EIF3H: variants seen among roughly 807,000 people sequenced by gnomAD.
EIF3H encodes eIF-3-gamma.
In EIF3H, 26 loss-of-function variants were observed where a neutral mutation model predicts 44.2. The ratio of observed to expected loss-of-function variants is 0.59; its 90% CI spans 0.43 to 0.82. EIF3H has a LOEUF of 0.82. Among genes scored for constraint, EIF3H ranks in the 40% least tolerant of loss-of-function variants. EIF3H has a pLI of 0.00. For synonymous variants in EIF3H, 166 were observed against 151.9 expected, an observed-to-expected ratio of 1.09 and a Z score of -0.68; for missense variants, 359 against 432.8, an observed-to-expected ratio of 0.83 and a Z score of 1.51.
At chr8:116,710,569 A>G (rs980208770) in intron 2 of EIF3H, among the ~76,000 whole-genome samples, 3 of 152,238 alleles carry the variant, frequency 2.0e-5, no homozygotes, top group African/African-American at 7.2e-5. Flanking sequence ...GTTAAATTTA[A>G]TATCATTTGA....
At chr8:116,676,964 AT>A (rs1225912411) in intron 2 of EIF3H, among the ~76,000 whole-genome samples, 2 of 150,500 alleles carry the variant, frequency 1.3e-5, no homozygotes, top group East Asian at 2.0e-4. Context: ...AAAAAAAAAA[AT>A]TCATATGAAT....
At chr8:116,721,404 G>A (rs1299168248) in intron 2 of EIF3H, among the ~76,000 whole-genome samples, 2 of 152,236 alleles carry the variant, frequency 1.3e-5, no homozygotes, top group Non-Finnish European at 2.9e-5. Flanking sequence ...GGGCCCTCAT[G>A]TAGAACCTCT....
chr8:116,761,948 T>C (rs1046958894), intron 1 of EIF3H, among the ~76,000 whole-genome samples: 1 of 152,198 alleles, frequency 6.6e-6, no homozygotes, highest in Admixed American at 6.5e-5. Flanking sequence ...CAACAGGAGA[T>C]ATATCCCACT....
chr8:116,666,753 C>CAAAAAAAAA lies in EIF3H; in HGVS notation c.290-7782_290-7774dup, dbSNP rs56700266. On this transcript the variant is annotated intron_variant, in intron 2 of 7. Transcript: ENST00000521861. ...CCAAATGAGAATCTTTAGTGTTAGG[C>CAAAAAAAAA]AAAAAAAAAAAAAAAAAAAAAAATT... Among the ~76,000 whole-genome samples, 132 of 71,440 alleles carry CAAAAAAAAA rather than the reference C, an allele frequency of 1.8e-3. 25 individuals are homozygous for CAAAAAAAAA. The highest frequency in any genetic ancestry group is 7.1e-3 in the African/African-American group (103 of 14,604). 46.9% of individuals were successfully genotyped at this position (71,440 alleles called of 152,430 possible). A position where few individuals can be genotyped will look rare whatever the true frequency, so the allele number is the denominator to read the frequency against.
intron 2 of EIF3H, among the ~76,000 whole-genome samples, chr8:116,671,219 T>C (rs1022640289): frequency 6.6e-6 from 1 of 152,338 alleles, no homozygotes; most frequent in South Asian, 2.1e-4. Context: ...TTCAGCTTGT[T>C]TGTCATCCCC....
At chr8:116,750,044 G>C (rs1815301505) in intron 1 of EIF3H, among the ~76,000 whole-genome samples, 1 of 152,302 alleles carries the variant, frequency 6.6e-6, no homozygotes, top group African/African-American at 2.4e-5. Flanking sequence ...ATCTATATAT[G>C]ACTGAGAATG....
At chr8:116,733,805 T>G (rs1380082773) in intron 1 of EIF3H, among the ~76,000 whole-genome samples, 1 of 152,142 alleles carries the variant, frequency 6.6e-6, no homozygotes, top group Non-Finnish European at 1.5e-5. Context: ...TAATATAAAC[T>G]ATGTTTTAAT....
chr8:116,653,430 C>A (rs1813431044), intron 5 of EIF3H, among the ~76,000 whole-genome samples: 1 of 150,852 alleles, frequency 6.6e-6, no homozygotes, highest in Admixed American at 6.6e-5. Context: ...GAAAATCAGA[C>A]CACTACCAAG....
chr8:116,646,552 G>A lies in EIF3H; in HGVS notation c.880C>T (p.Pro294Ser), dbSNP rs745812786. 8 of 1,614,062 alleles carry A rather than the reference G, an allele frequency of 5.0e-6. No individual in the cohort carries two copies. The highest frequency in any genetic ancestry group is 4.0e-5 in the African/African-American group (3 of 74,922). Reference protein sequence around the residue: ...ENMQRQSRGEPPLPEEDLSKL... With the variant: ...ENMQRQSRGESPLPEEDLSKL... ...GACAGGTCCTCCTCAGGGAGCGGGG[G>A]TTCTCCTCGGCTCTGGCGCTGCATA... The change falls in exon 7 of 8, where the codon CCC becomes TCC. Residue 294 changes from proline (P) to serine (S), a missense_variant. Pro to Ser is a moderately conservative substitution (Grantham distance 74, BLOSUM62 -1). Around this residue, in one of 5 missense-constraint regions of EIF3H, gnomAD observed 94 missense variants for 96.0 expected, o/e 0.98. Coordinates refer to ENST00000521861, the MANE Select transcript of EIF3H (RefSeq NM_003756.3).
At chr8:116,730,201 G>C (rs1216797412) in intron 1 of EIF3H, among the ~76,000 whole-genome samples, 1 of 152,156 alleles carries the variant, frequency 6.6e-6, no homozygotes, top group African/African-American at 2.4e-5. Flanking sequence ...CAACCCCAAG[G>C]CCACGGACAG....
chr8:116,703,311 A>G (rs1814409874), intron 2 of EIF3H, among the ~76,000 whole-genome samples: 2 of 152,054 alleles, frequency 1.3e-5, no homozygotes, highest in Non-Finnish European at 2.9e-5. Context: ...TCTAGTGGTA[A>G]TGCCAATGCC....
intron 2 of EIF3H, among the ~76,000 whole-genome samples, chr8:116,725,278 G>A (rs986761297): frequency 2.0e-5 from 3 of 152,146 alleles, no homozygotes; most frequent in Non-Finnish European, 4.4e-5. Context: ...GGATGAAAGA[G>A]GTGGAAAAAG....
chr8:116,685,987 C>T (rs1307978186), intron 2 of EIF3H, among the ~76,000 whole-genome samples: 2 of 152,136 alleles, frequency 1.3e-5, no homozygotes, highest in African/African-American at 4.8e-5. Flanking sequence ...ATGTTTCCAT[C>T]ACCTCACACT....
intron 2 of EIF3H, among the ~76,000 whole-genome samples, chr8:116,709,622 T>C (rs1563649185): frequency 6.6e-6 from 1 of 152,334 alleles, no homozygotes; most frequent in East Asian, 1.9e-4. Flanking sequence ...CACTCATGTA[T>C]ATCCTTGTTG....
upstream of EIF3H, chr8:116,755,986 C>CTGTACATT (rs1303193833): frequency 2.0e-6 from 3 of 1,536,202 alleles, no homozygotes; most frequent in Non-Finnish European, 2.6e-6. Flanking sequence ...TGCATGCCTA[C>CTGTACATT]TGTACATTTT....
At chr8:116,652,507 T>C (rs1813411169) in intron 5 of EIF3H, among the ~76,000 whole-genome samples, 1 of 152,230 alleles carries the variant, frequency 6.6e-6, no homozygotes, top group Admixed American at 6.5e-5. Context: ...TAAACAAGTT[T>C]AAATGTCTTT....
chr8:116,728,868 T>C lies in EIF3H; in HGVS notation c.133-2696A>G, dbSNP rs1043967531. ...CACTATTTCATAGCATTACTGACAC[T>C]ACTAAAAATGACACAGTATAGAGTT... is the stretch of plus-strand genomic sequence containing the variant. On this transcript the variant is annotated intron_variant, in intron 1 of 7. Transcript: ENST00000521861. Among the ~76,000 whole-genome samples the C allele has an allele frequency of 4.0e-5, 6 of 151,452 alleles. No homozygotes were observed. The South Asian group carries it at 1.2e-3, about 31-fold the overall frequency.
chr8:116,735,515 C>T (rs984865966), intron 1 of EIF3H, among the ~76,000 whole-genome samples: 4 of 152,178 alleles, frequency 2.6e-5, no homozygotes, highest in Admixed American at 6.5e-5. Flanking sequence ...ACCCAAACCA[C>T]CAAATGCAGA....
chr8:116,690,400 T>C (rs943635716), intron 2 of EIF3H, among the ~76,000 whole-genome samples: 1 of 149,814 alleles, frequency 6.7e-6, no homozygotes, highest in Non-Finnish European at 1.5e-5. Context: ...ACCCATAAAG[T>C]TTGAAAAGAA....
Sources: allele counts gnomAD v4.1 joint callset (sites outside exome capture counted in the v4.1 genomes callset), GRCh38; gene constraint gnomAD v4.1.1; regional missense constraint gnomAD v4.1.1; transcripts MANE v1.5; gene names NCBI Gene and HGNC (gene_info 2026-07-23, HGNC 2026-07-21).